The following ACAN variants were observed in gnomAD, a reference collection of about 807,000 sequenced individuals.
ACAN encodes aggrecan, also known as aggrecan core protein.
A neutral mutation model predicts 169.1 loss-of-function variants in ACAN; 47 were observed. That is an observed-to-expected ratio of 0.28 (90% CI 0.22 to 0.35). The LOEUF (loss-of-function observed/expected upper bound fraction) is 0.35. Among genes scored for constraint, ACAN ranks in the 10% least tolerant of loss-of-function variants. The pLI, the probability that ACAN is intolerant of heterozygous loss-of-function variation, is 1.00. For synonymous variants in ACAN, 1,115 were observed against 1,112.2 expected (o/e 1.00, Z -0.05); for missense variants, 2,716 against 2,759.9 (o/e 0.98, Z 0.36).
Position 88,843,669 on chromosome 15 carries a change from G to T in ACAN, c.1051+21G>T, listed in dbSNP as rs751139515. The T allele has an allele frequency of 6.5e-7, 1 of 1,546,030 alleles. No individual in the cohort carries two copies. The highest frequency in any genetic ancestry group is 1.2e-5 in the South Asian group (1 of 80,884). ...CACAGGTGGGGCACGGCTGGTGGTG[G>T]GAAGGGAGTTCATGCCACTAAAATG... On this transcript the variant is annotated intron_variant, in intron 6 of 18. Coordinates refer to ENST00000560601, the MANE Select transcript of ACAN (RefSeq NM_001369268.1). This position sits in a 1 kb window ranked among gnomAD's most constrained non-coding sequence, Gnocchi z 4.0.
At position 88,843,566 on chromosome 15, in the gene ACAN, G is replaced by A; in HGVS notation, c.969G>A (p.Leu323=). The A allele has an allele frequency of 1.2e-6, 2 of 1,612,526 alleles. No individual in the cohort carries two copies. Among genetic ancestry groups the A allele is most frequent in the Non-Finnish European group, 1.7e-6 (2 of 1,179,520 alleles). The change falls in exon 6 of 19, where the codon CTG becomes CTA. Residue 323 remains leucine (L), a synonymous_variant. Coordinates refer to ENST00000560601, the MANE Select transcript of ACAN (RefSeq NM_001369268.1). The surrounding 1 kb of genome is among the most constrained non-coding windows in gnomAD (Gnocchi z 4.0). ...KARPNCGGNL[L]GVRTVYVHAN... is the part of the protein sequence containing the mutation. ...GGCCCAACTGCGGTGGCAACCTCCT[G>A]GGCGTGAGGACCGTCTACGTGCATG...
intron 1 of ACAN, among the ~76,000 whole-genome samples, chr15:88,832,110 A>G (rs1896379191): frequency 1.3e-5 from 2 of 152,142 alleles, no homozygotes; most frequent in South Asian, 4.2e-4. Context: ...CTAACATGCA[A>G]TCAGAGGCCA....
rs1897400085 is a variant in ACAN, at chr15:88,872,309, A to C, written c.7302+224A>C. Among the ~76,000 whole-genome samples the C allele has an allele frequency of 6.6e-6, 1 of 152,196 alleles. No homozygotes were observed. Among genetic ancestry groups the C allele is most frequent in the African/African-American group, 2.4e-5 (1 of 41,456 alleles). On this transcript the variant is annotated intron_variant, in intron 16 of 18. Transcript: ENST00000560601. The surrounding 1 kb of genome is among the most constrained non-coding windows in gnomAD (Gnocchi z 5.4). ...GCAAGAGGCAAGGAGCCAGGAAGGA[A>C]ATGAAGGAATAACAGCCACCACCAT...
intron 13 of ACAN, among the ~76,000 whole-genome samples, chr15:88,862,528 G>C (rs149031377): frequency 1.3e-5 from 2 of 152,172 alleles, no homozygotes; most frequent in African/African-American, 4.8e-5. Context: ...GTGGGGATCA[G>C]CCCAGCACAA....
chr15:88,829,689 C>A (rs1481750588), intron 1 of ACAN, among the ~76,000 whole-genome samples: 1 of 152,120 alleles, frequency 6.6e-6, no homozygotes. Flanking sequence ...TTGGTCCTTT[C>A]GAATCCATCT....
intron 1 of ACAN, among the ~76,000 whole-genome samples, chr15:88,806,250 C>T (rs540546703): frequency 6.6e-6 from 1 of 152,328 alleles, no homozygotes; most frequent in Admixed American, 6.5e-5. Context: ...CCTCTAACAG[C>T]TCCTAAGCCC....
rs1897432726 is a variant in ACAN, at chr15:88,873,566, C to T, written c.7448-276C>T. On this transcript the variant is annotated intron_variant, in intron 17 of 18. Transcript: ENST00000560601. This position sits in a 1 kb window ranked among gnomAD's most constrained non-coding sequence, Gnocchi z 7.5. Reference sequence around the variant, plus strand: ...TTTTCATCAAGAAGCCTGAGTCTGCCTGGCTCTCGCCCTCCACACCTTTCT... The same window carrying T: ...TTTTCATCAAGAAGCCTGAGTCTGCTTGGCTCTCGCCCTCCACACCTTTCT... 2.0e-6 allele frequency: 1 copy of T among 489,236 alleles called. No homozygotes were observed. The allele number at this position is 489,236 out of a possible 1,614,324, so 30.3% of individuals were successfully genotyped here.
At chr15:88,835,231 A>C (rs1283724896) in intron 1 of ACAN, among the ~76,000 whole-genome samples, 1 of 152,080 alleles carries the variant, frequency 6.6e-6, no homozygotes, top group Non-Finnish European at 1.5e-5. Context: ...GTCCATTCTA[A>C]AACACACGTG....
chr15:88,843,560 C>A lies in ACAN; in HGVS notation c.963C>A (p.Asn321Lys). The stretch of plus-strand genomic sequence containing the variant: ...AGGCCCGGCCCAACTGCGGTGGCAA[C>A]CTCCTGGGCGTGAGGACCGTCTACG... ...ISKARPNCGG[N>K]LLGVRTVYVH... Residue 321 changes from asparagine (N) to lysine (K), a missense_variant, in exon 6 of 19, where the codon AAC (asparagine) becomes AAA (lysine). Physicochemically the swap from Asn to Lys is moderately conservative, Grantham distance 94 (BLOSUM62 0). Coordinates refer to ENST00000560601, the MANE Select transcript of ACAN (RefSeq NM_001369268.1). The surrounding 1 kb of genome is among the most constrained non-coding windows in gnomAD (Gnocchi z 4.0). The A allele has an allele frequency of 6.2e-7, 1 of 1,612,640 alleles. No homozygotes were observed. Among genetic ancestry groups the A allele is most frequent in the Non-Finnish European group, 8.5e-7 (1 of 1,179,612 alleles).
chr15:88,858,638 C>A lies in ACAN; in HGVS notation c.6053C>A (p.Ser2018Tyr), dbSNP rs375734624. ...AGCACCACCAATGTAAGTGGAGAAT[C>A]CTCTGTAGCCATGGGCACCAGTGGA... ...FASTTNVSGESSVAMGTSGEA... is the reference protein window; with the variant it reads ...FASTTNVSGEYSVAMGTSGEA... Residue 2018 changes from serine to tyrosine, a missense_variant, in exon 12 of 19, where the codon TCC becomes TAC. By Grantham distance (144) the Ser-to-Tyr change is moderately radical. Around this residue, in one of 3 missense-constraint regions of ACAN, gnomAD observed 1,389 missense variants for 1,363.7 expected, o/e 1.02. Coordinates refer to ENST00000560601, the MANE Select transcript of ACAN (RefSeq NM_001369268.1). This position sits in a 1 kb window ranked among gnomAD's most constrained non-coding sequence, Gnocchi z 4.0. 14 of 1,613,840 alleles carry A rather than the reference C, an allele frequency of 8.7e-6. No individual in the cohort carries two copies. Among genetic ancestry groups the A allele is most frequent in the Non-Finnish European group, 1.1e-5 (13 of 1,179,906 alleles).
intron 1 of ACAN, among the ~76,000 whole-genome samples, chr15:88,810,080 T>C (rs1338526746): frequency 6.6e-6 from 1 of 152,166 alleles, no homozygotes; most frequent in African/African-American, 2.4e-5. Context: ...TTCTTCATTA[T>C]GCAGAGGGGG....
chr15:88,852,045 T>G lies in ACAN; in HGVS notation c.2266+12T>G. 1 of 1,583,788 alleles carries G rather than the reference T, an allele frequency of 6.3e-7. No individual in the cohort carries two copies. The highest frequency in any genetic ancestry group is 8.6e-7 in the Non-Finnish European group (1 of 1,165,364). ...ATCCCCGCTGCCAGGTTGGTATGGCTTGGGTTCTGGGGCACACCCTGAAGC... is the reference window on the plus strand; with the variant it reads ...ATCCCCGCTGCCAGGTTGGTATGGCGTGGGTTCTGGGGCACACCCTGAAGC... On this transcript the variant is annotated intron_variant, in intron 11 of 18. Transcript: ENST00000560601.
intron 5 of ACAN, 100 bp downstream of exon 5, chr15:88,841,967 G>C: frequency 6.7e-7 from 1 of 1,498,426 alleles, no homozygotes; most frequent in Non-Finnish European, 9.2e-7. Flanking sequence ...CAGGCTGCCA[G>C]CTCAGGGCCT....
intron 1 of ACAN, among the ~76,000 whole-genome samples, chr15:88,813,012 A>T (rs1895858350): frequency 6.6e-6 from 1 of 152,198 alleles, no homozygotes; most frequent in South Asian, 2.1e-4. Flanking sequence ...TCAAGGTTGA[A>T]CAAAATTAAC....
At position 88,868,581 on chromosome 15, in the gene ACAN, T is replaced by C. The variant is rs1596154686; in HGVS notation, c.7060+252T>C. ...TCTCCAGGGCTTCCAGATCTACTGA[T>C]GCCACCACCGAGGTTGGTGTATGGT... is the stretch of plus-strand genomic sequence containing the variant. On this transcript the variant is annotated intron_variant, in intron 14 of 18. Coordinates refer to ENST00000560601, the MANE Select transcript of ACAN (RefSeq NM_001369268.1). This position sits in a 1 kb window ranked among gnomAD's most constrained non-coding sequence, Gnocchi z 5.2. 6.6e-6 allele frequency among the ~76,000 whole-genome samples: 1 copy of C among 152,180 alleles called. No homozygotes were observed. Among genetic ancestry groups the C allele is most frequent in the East Asian group, 1.9e-4 (1 of 5,164 alleles).
At chr15:88,837,757 T>A (rs113086307) in intron 2 of ACAN, among the ~76,000 whole-genome samples, 2,355 of 152,258 alleles carry the variant, frequency 0.015, 61 homozygotes, top group African/African-American at 0.055. Context: ...CTCTAAGCAT[T>A]CCTCGCTCCC....
intron 13 of ACAN, among the ~76,000 whole-genome samples, chr15:88,863,962 A>T (rs1049027270): frequency 1.3e-5 from 2 of 152,228 alleles, no homozygotes; most frequent in Non-Finnish European, 2.9e-5. Context: ...ACTTGAGCCC[A>T]GGAGTTCAAG....
At position 88,869,612 on chromosome 15, in the gene ACAN, G is replaced by A. The variant is rs577638749; in HGVS notation, c.7060+1283G>A. Among the ~76,000 whole-genome samples the A allele has an allele frequency of 8.5e-5, 13 of 152,252 alleles. No individual in the cohort carries two copies. In the East Asian group the frequency reaches 1.2e-3, roughly 14 times the overall value. On this transcript the variant is annotated intron_variant, in intron 14 of 18. Transcript: ENST00000560601. The surrounding 1 kb of genome is among the most constrained non-coding windows in gnomAD (Gnocchi z 4.2). ...TAGAAGAGTCTGGGACTTCCATGCC[G>A]ACAACAGCTATTTGGTTCCAGACTG...
chr15:88,848,447 T>C (rs1193008598), intron 9 of ACAN, among the ~76,000 whole-genome samples: 1 of 151,628 alleles, frequency 6.6e-6, no homozygotes, highest in Non-Finnish European at 1.5e-5. Context: ...CTGGGCACAG[T>C]GGCTCACACC....
Sources: gnomAD v4.1 joint callset for allele counts (sites outside exome capture counted in the v4.1 genomes callset) on GRCh38, gnomAD v4.1.1 for gene constraint, gnomAD v4.1.1 regional missense constraint, Gnocchi (gnomAD v3.1) non-coding constraint, MANE v1.5 for transcripts, NCBI Gene and HGNC (gene_info 2026-07-23, HGNC 2026-07-21) for gene names.